Variants in COMMD7 observed in about 807,000 individuals in gnomAD.
COMMD7 encodes the protein COMM domain containing 7, also known as COMM domain-containing protein 7.
A neutral mutation model predicts 34.8 loss-of-function variants in COMMD7; 28 were observed. The observed-to-expected ratio is 0.80, with a 90% CI of 0.60 to 1.10. The LOEUF (loss-of-function observed/expected upper bound fraction) is 1.10, where lower values mean the gene tolerates loss of function less well. COMMD7 is among the 50% of genes least tolerant of loss of function. The probability of loss-of-function intolerance (pLI) is 0.00; values close to 1 mark genes in which losing one functional copy is unlikely to be tolerated. For missense variants in COMMD7, 211 were observed against 241.6 expected, an observed-to-expected ratio of 0.87 and a Z score of 0.84; for synonymous variants, 80 against 86.4, an observed-to-expected ratio of 0.93 and a Z score of 0.41.
In COMMD7 at chr20:32,743,377, G is replaced by A. The variant is rs1005711373; in HGVS notation, c.15C>T (p.His5=). MGRL[H]CTEDPVPEAV... The stretch of plus-strand genomic sequence containing the variant: ...CCTCCGGCACCGGGTCCTCAGTGCA[G>A]TGCAGGCGGCCCATGGCGCGCGCCC... Residue 5 remains histidine (H), a synonymous_variant, in exon 1 of 9, where the codon CAC becomes CAT. Coordinates refer to ENST00000278980, the MANE Select transcript of COMMD7 (RefSeq NM_053041.3). 25 of 1,429,690 alleles carry A rather than the reference G, an allele frequency of 1.7e-5. No homozygotes were observed. The highest frequency in any genetic ancestry group is 2.3e-5 in the Non-Finnish European group (25 of 1,097,474). The allele number at this position is 1,429,690 out of a possible 1,614,324, so 88.6% of individuals were successfully genotyped here.
chr20:32,739,340 G>A (rs1219181417), intron 1 of COMMD7, among the ~76,000 whole-genome samples: 1 of 152,054 alleles, frequency 6.6e-6, no homozygotes, highest in African/African-American at 2.4e-5. Context: ...GTGATTGCAA[G>A]GACTCAATTA....
At chr20:32,720,675 G>C (rs568043074) in intron 3 of COMMD7, among the ~76,000 whole-genome samples, 21 of 151,964 alleles carry the variant, frequency 1.4e-4, no homozygotes, top group Non-Finnish European at 2.6e-4. Flanking sequence ...CAGGTGTGTT[G>C]GTGCACCGTA....
At chr20:32,738,634 C>T (rs1986270282) in intron 1 of COMMD7, among the ~76,000 whole-genome samples, 1 of 152,130 alleles carries the variant, frequency 6.6e-6, no homozygotes. Flanking sequence ...GTTGCTCAGG[C>T]TAGTCTTGAA....
At chr20:32,712,782 C>T (rs1203122231) in intron 3 of COMMD7, among the ~76,000 whole-genome samples, 2 of 125,018 alleles carry the variant, frequency 1.6e-5, no homozygotes, top group Non-Finnish European at 3.2e-5. Flanking sequence ...GACAGAGTCT[C>T]ACTCTGTCCC....
chr20:32,725,434 T>TTG (rs1237873844), intron 3 of COMMD7, among the ~76,000 whole-genome samples: 30 of 148,064 alleles, frequency 2.0e-4, no homozygotes, highest in Non-Finnish European at 3.3e-4. Context: ...GTGTTTTGTT[T>TTG]TTTTTTTTTT....
At chr20:32,717,705 TC>T (rs1984881870) in intron 3 of COMMD7, among the ~76,000 whole-genome samples, 1 of 151,844 alleles carries the variant, frequency 6.6e-6, no homozygotes, top group Non-Finnish European at 1.5e-5. Context: ...CAAGAGATTC[TC>T]CCCCTTTGAC....
rs138336106 is a variant in COMMD7 at position 32,735,955 on chromosome 20, A to C, written c.84+7353T>G. On this transcript the variant is annotated intron_variant, in intron 1 of 8. Coordinates refer to ENST00000278980, the MANE Select transcript of COMMD7 (RefSeq NM_053041.3). ...ACTCTCATTCTAAAATGATTAACTT[A>C]AAATCCTGCCTATTCTCAGACTCCA... Among the ~76,000 whole-genome samples the C allele has an allele frequency of 2.0e-5, 3 of 152,312 alleles. No homozygotes were observed. The East Asian group carries it at 5.8e-4, about 29-fold the overall frequency.
rs116451676 is a variant in COMMD7, at chr20:32,728,018, A to G, written c.139-23T>C. On this transcript the variant is annotated intron_variant, in intron 2 of 8. Transcript: ENST00000278980. ...CACCTGCAGAGAGAGAACAGTGAAAACCCGGGCCTTCACTTTCTAAGCATC... is the reference window on the plus strand; with the variant it reads ...CACCTGCAGAGAGAGAACAGTGAAAGCCCGGGCCTTCACTTTCTAAGCATC... 7.7e-4 allele frequency: 1,235 copies of G among 1,611,470 alleles called. 10 individuals carry two copies. The African/African-American group carries it at 0.015, about 19-fold the overall frequency.
intron 3 of COMMD7, among the ~76,000 whole-genome samples, chr20:32,721,020 A>T (rs1298231784): frequency 3.9e-5 from 6 of 152,234 alleles, no homozygotes; most frequent in Non-Finnish European, 8.8e-5. Flanking sequence ...CAGCAGGAAC[A>T]ATAGAAACCT....
Position 32,703,299 on chromosome 20 carries a change from G to T in COMMD7, c.*83C>A. On this transcript the variant is annotated 3_prime_UTR_variant, in exon 9 of 9. Transcript: ENST00000278980. ...GCCCCATGGAGCATCCCACAGGCCT[G>T]TGAGTGAAGTGCCTCTCAGAGCAGT... 7.8e-7 allele frequency: 1 copy of T among 1,277,302 alleles called. No homozygotes were observed. The highest frequency in any genetic ancestry group is 1.1e-6 in the Non-Finnish European group (1 of 895,748). The allele number at this position is 1,277,302 out of a possible 1,614,324, so 79.1% of individuals were successfully genotyped here.
At chr20:32,720,395 T>G (rs1272408407) in intron 3 of COMMD7, among the ~76,000 whole-genome samples, 1 of 151,610 alleles carries the variant, frequency 6.6e-6, no homozygotes, top group Non-Finnish European at 1.5e-5. Flanking sequence ...CTCGGGAGGC[T>G]GAGGCAGGAG....
At chr20:32,714,334 AAAAAT>A (rs1025277829) in intron 3 of COMMD7, among the ~76,000 whole-genome samples, 1 of 152,298 alleles carries the variant, frequency 6.6e-6, no homozygotes, top group Non-Finnish European at 1.5e-5. Flanking sequence ...CTTTTCATAA[AAAAAT>A]AAAATAAAAT....
At chr20:32,708,751 G>A (rs1219984028) in intron 3 of COMMD7, among the ~76,000 whole-genome samples, 8 of 147,558 alleles carry the variant, frequency 5.4e-5, no homozygotes, top group African/African-American at 2.0e-4. Context: ...CTACCACACC[G>A]GGGTGGGTGG....
chr20:32,720,402 G>A (rs1177091852), intron 3 of COMMD7, among the ~76,000 whole-genome samples: 2 of 152,204 alleles, frequency 1.3e-5, no homozygotes, highest in Non-Finnish European at 2.9e-5. Context: ...GGCTGAGGCA[G>A]GAGAATCGCT....
intron 1 of COMMD7, among the ~76,000 whole-genome samples, chr20:32,739,254 T>G (rs1014116485): frequency 6.6e-6 from 1 of 152,068 alleles, no homozygotes. Context: ...CCAGAGACCA[T>G]GAGTTCAAGA....
intron 3 of COMMD7, among the ~76,000 whole-genome samples, chr20:32,711,860 G>A (rs1303735024): frequency 2.0e-5 from 3 of 151,820 alleles, no homozygotes; most frequent in Admixed American, 6.6e-5. Context: ...GATAGCATTA[G>A]GAAAAATAGT....
chr20:32,734,502 T>A (rs544950233), intron 1 of COMMD7, among the ~76,000 whole-genome samples: 3 of 150,830 alleles, frequency 2.0e-5, no homozygotes, highest in East Asian at 3.9e-4. Flanking sequence ...CCCAGCAAGA[T>A]GAAGAAAAAA....
At chr20:32,730,578 A>ACAG (rs1296221894) in intron 1 of COMMD7, among the ~76,000 whole-genome samples, 6 of 151,474 alleles carry the variant, frequency 4.0e-5, no homozygotes, top group Admixed American at 4.0e-4. Flanking sequence ...AACAACAACA[A>ACAG]CAACAAAAAG....
chr20:32,704,049 C>G lies in COMMD7; in HGVS notation c.500G>C (p.Gly167Ala). 2.5e-6 allele frequency: 4 copies of G among 1,608,808 alleles called. No homozygotes were observed. The highest frequency in any genetic ancestry group is 3.4e-6 in the Non-Finnish European group (4 of 1,177,188). Residue 167 changes from glycine to alanine, a missense_variant, in exon 8 of 9, where the codon GGA becomes GCA. Transcript: ENST00000278980. ...FLQLKLVVKK[G>A]NQTENVYIEL... ...TATATACACATTTTCGGTTTGATTTCCTTTCTTAACCACCAACTTTAGCTG... is the reference window on the plus strand; with the variant it reads ...TATATACACATTTTCGGTTTGATTTGCTTTCTTAACCACCAACTTTAGCTG...
Sources: gnomAD v4.1 joint callset for allele counts (sites outside exome capture counted in the v4.1 genomes callset) on GRCh38, gnomAD v4.1.1 for gene constraint, MANE v1.5 for transcripts, NCBI Gene and HGNC (gene_info 2026-07-23, HGNC 2026-07-21) for gene names.